PARD3B: variants seen among roughly 807,000 people sequenced by gnomAD.
The protein encoded by PARD3B is partitioning defective 3 homolog B.
In PARD3B, 103 loss-of-function variants were observed where a neutral mutation model predicts 130.2. The ratio of observed to expected loss-of-function variants is 0.79; its 90% CI spans 0.67 to 0.93. The LOEUF (loss-of-function observed/expected upper bound fraction) is 0.93. Among genes scored for constraint, PARD3B ranks in the 40% least tolerant of loss-of-function variants. The pLI is 0.00. For missense variants in PARD3B, 1,609 were observed against 1,499.2 expected (o/e 1.07, Z -1.21); for synonymous variants, 583 against 553.2 (o/e 1.05, Z -0.76).
chr2:204,946,405 C>T (rs1689325274), intron 2 of PARD3B, among the ~76,000 whole-genome samples: 1 of 152,008 alleles, frequency 6.6e-6, no homozygotes, highest in South Asian at 2.1e-4. Flanking sequence ...GCTCTGTTTC[C>T]TTTTAGCTCT....
At chr2:205,177,348 G>A (rs2035530946) in intron 13 of PARD3B, among the ~76,000 whole-genome samples, 1 of 152,058 alleles carries the variant, frequency 6.6e-6, no homozygotes, top group Admixed American at 6.5e-5. Context: ...AACATTTTAT[G>A]TATATCTTTC....
intron 3 of PARD3B, among the ~76,000 whole-genome samples, chr2:205,043,286 TAAC>T (rs1460159506): frequency 1.3e-5 from 2 of 152,144 alleles, no homozygotes; most frequent in African/African-American, 2.4e-5. Flanking sequence ...TCACAATAAA[TAAC>T]AAGTGCTATT....
intron 15 of PARD3B, among the ~76,000 whole-genome samples, chr2:205,200,519 G>A (rs1574367343): frequency 6.6e-6 from 1 of 152,276 alleles, no homozygotes; most frequent in East Asian, 1.9e-4. Context: ...TAGATTGACA[G>A]AATTAGCATT....
At chr2:205,028,885 A>G (rs758363247) in intron 3 of PARD3B, among the ~76,000 whole-genome samples, 53 of 152,344 alleles carry the variant, frequency 3.5e-4, no homozygotes, top group South Asian at 2.3e-3. Flanking sequence ...ATACACTAAC[A>G]TTTAACTATC....
In PARD3B at chr2:204,943,191, T is replaced by C. The variant is rs1689052308; in HGVS notation, c.223-21961T>C. ...GTATGTGTATGCATATATATATATG[T>C]GTGTGTATATATATATAATATGTTA... is the stretch of plus-strand genomic sequence containing the variant. On this transcript the variant is annotated intron_variant, in intron 2 of 22. Transcript: ENST00000406610. The surrounding 1 kb of genome is among the most constrained non-coding windows in gnomAD (Gnocchi z 4.2). Among the ~76,000 whole-genome samples, 1 of 152,044 alleles carries C rather than the reference T, an allele frequency of 6.6e-6. No homozygotes were observed. Among genetic ancestry groups the C allele is most frequent in the Middle Eastern group, 3.2e-3 (1 of 316 alleles).
intron 3 of PARD3B, among the ~76,000 whole-genome samples, chr2:205,012,585 C>T (rs1051338239): frequency 5.9e-5 from 9 of 152,176 alleles, no homozygotes; most frequent in African/African-American, 2.2e-4. Context: ...AGGGAATGAG[C>T]TTAGAATTCT....
chr2:204,878,876 T>C (rs1290126125), intron 2 of PARD3B, among the ~76,000 whole-genome samples: 2 of 152,144 alleles, frequency 1.3e-5, no homozygotes, highest in African/African-American at 4.8e-5. Flanking sequence ...ATTATAGGAA[T>C]GCTACACAGG....
At position 205,255,449 on chromosome 2, in the gene PARD3B, G is replaced by A. The variant is rs575600276; in HGVS notation, c.2185+9627G>A. 1.2e-4 allele frequency among the ~76,000 whole-genome samples: 18 copies of A among 152,148 alleles called. 1 individual carries two copies. The highest frequency in any genetic ancestry group is 4.1e-4 in the African/African-American group (17 of 41,522). On this transcript the variant is annotated intron_variant, in intron 16 of 22. Coordinates refer to ENST00000406610, the MANE Select transcript of PARD3B (RefSeq NM_001302769.2). ...CCAGTTCTCCAGTGGACAGCAACTCGGTGTCCTATAATTCAATTCAATTCT... is the reference window on the plus strand; with the variant it reads ...CCAGTTCTCCAGTGGACAGCAACTCAGTGTCCTATAATTCAATTCAATTCT...
chr2:204,552,885 C>T (rs1276062375), intron 1 of PARD3B, among the ~76,000 whole-genome samples: 1 of 152,122 alleles, frequency 6.6e-6, no homozygotes. Context: ...TAGTACCGTG[C>T]TGTTTGGTGA....
intron 19 of PARD3B, among the ~76,000 whole-genome samples, chr2:205,438,995 A>G (rs2047617327): frequency 6.6e-6 from 1 of 151,932 alleles, no homozygotes; most frequent in Non-Finnish European, 1.5e-5. Context: ...AAATTGCCCA[A>G]TTTCTTTTCT....
chr2:205,074,222 A>T (rs1284297791), intron 4 of PARD3B, among the ~76,000 whole-genome samples: 2 of 152,194 alleles, frequency 1.3e-5, no homozygotes, highest in Non-Finnish European at 2.9e-5. Flanking sequence ...CTAATCTTCA[A>T]ATTGTCTATT....
At chr2:205,027,526 T>G (rs1697120379) in intron 3 of PARD3B, among the ~76,000 whole-genome samples, 2 of 152,118 alleles carry the variant, frequency 1.3e-5, no homozygotes, top group African/African-American at 4.8e-5. Flanking sequence ...TTTCATTTTG[T>G]GGATTTTTTT....
chr2:205,216,145 A>G (rs896704005), intron 15 of PARD3B, among the ~76,000 whole-genome samples: 3 of 152,190 alleles, frequency 2.0e-5, no homozygotes, highest in African/African-American at 7.2e-5. Flanking sequence ...GTTTAGAAAC[A>G]CAGATACTTA....
rs927449537 is a variant in PARD3B, at chr2:205,440,023, T to C, written c.2742-347T>C. 2.0e-5 allele frequency among the ~76,000 whole-genome samples: 3 copies of C among 152,144 alleles called. No individual in the cohort carries two copies. Among genetic ancestry groups the C allele is most frequent in the African/African-American group, 4.8e-5 (2 of 41,424 alleles). On this transcript the variant is annotated intron_variant, in intron 19 of 22. Transcript: ENST00000406610. This position sits in a 1 kb window ranked among gnomAD's most constrained non-coding sequence, Gnocchi z 4.2. ...ATCCCTGTCCCAAGAAAGGCTTCTA[T>C]AATATCGAACCAAAGATGCACTGTT...
intron 11 of PARD3B, among the ~76,000 whole-genome samples, chr2:205,169,827 A>C (rs1025868993): frequency 1.3e-5 from 2 of 152,068 alleles, no homozygotes; most frequent in Non-Finnish European, 2.9e-5. Context: ...ATTCAGCCCA[A>C]TGGTTCTCCT....
At chr2:204,833,370 G>C (rs1345087174) in intron 2 of PARD3B, among the ~76,000 whole-genome samples, 1 of 152,128 alleles carries the variant, frequency 6.6e-6, no homozygotes, top group Non-Finnish European at 1.5e-5. Context: ...AGCAGAGCCA[G>C]AACTCCCTGT....
chr2:204,762,761 C>CTTTTT (rs5837937), intron 2 of PARD3B, among the ~76,000 whole-genome samples: 1 of 32,622 alleles, frequency 3.1e-5, no homozygotes, highest in African/African-American at 4.6e-5. Flanking sequence ...TTTTCTTTTT[C>CTTTTT]TTTTTTTTTT....
chr2:205,261,913 A>G (rs888609343), intron 16 of PARD3B, among the ~76,000 whole-genome samples: 11 of 152,162 alleles, frequency 7.2e-5, no homozygotes, highest in African/African-American at 2.7e-4. Context: ...ATTCCATGTC[A>G]TGACCACACT....
At chr2:205,526,531 AG>A (rs1175421307) in intron 21 of PARD3B, among the ~76,000 whole-genome samples, 14 of 152,176 alleles carry the variant, frequency 9.2e-5, no homozygotes, top group Non-Finnish European at 1.2e-4. Flanking sequence ...CTTGATAGCA[AG>A]CTCAACCTTG....
Sources: allele counts gnomAD v4.1 joint callset (sites outside exome capture counted in the v4.1 genomes callset), GRCh38; gene constraint gnomAD v4.1.1; non-coding constraint Gnocchi (gnomAD v3.1); transcripts MANE v1.5; gene names NCBI Gene and HGNC (gene_info 2026-07-23, HGNC 2026-07-21).